FRMPD3: variants seen among roughly 807,000 people sequenced by gnomAD.
The protein encoded by FRMPD3 is FERM and PDZ domain containing 3.
Under a neutral mutation model 97.9 loss-of-function variants are expected in FRMPD3, and 42 were observed. The observed-to-expected ratio is 0.43, with a 90% CI of 0.34 to 0.55. The LOEUF is 0.55. Ranked by LOEUF, FRMPD3 falls within the 20% of genes least tolerant of loss-of-function variation. FRMPD3 has a pLI of 0.03. For missense variants in FRMPD3, 1,303 were observed against 1,457.7 expected, an observed-to-expected ratio of 0.89 and a Z score of 1.73; for synonymous variants, 577 against 581.1, an observed-to-expected ratio of 0.99 and a Z score of 0.10.
rs190823164 is a variant in FRMPD3 at position 107,563,759 on chromosome X, C to G, written c.1116+559C>G. On this transcript the variant is annotated intron_variant, in intron 11 of 14. Coordinates refer to ENST00000683843, the MANE Select transcript of FRMPD3 (RefSeq NM_001388459.1). ...TGGCCCATGGGCCATGGTTAGGCAA[C>G]CCCTGCTCTATTTCATTTTTGTTCC... Among the ~76,000 whole-genome samples, 5 of 111,983 alleles carry G rather than the reference C, an allele frequency of 4.5e-5. No individual in the cohort carries two copies. In the East Asian group the frequency reaches 1.1e-3, roughly 25 times the overall value.
rs372462915 is a variant in FRMPD3, at chrX:107,563,213, G to C, written c.1116+13G>C. 19 of 1,181,995 alleles carry C rather than the reference G, an allele frequency of 1.6e-5. No homozygotes were observed. In the East Asian group the frequency reaches 4.2e-4, roughly 26 times the overall value. On this transcript the variant is annotated intron_variant, in intron 11 of 14. Coordinates refer to ENST00000683843, the MANE Select transcript of FRMPD3 (RefSeq NM_001388459.1). Reference sequence around the variant, plus strand: ...CACTGTAGGCCTGGTCAGTGGCGCAGGATTGGGGGATGTGGGGAGGGAGCC... The same window carrying C: ...CACTGTAGGCCTGGTCAGTGGCGCACGATTGGGGGATGTGGGGAGGGAGCC...
intron 13 of FRMPD3, among the ~76,000 whole-genome samples, chrX:107,585,330 A>G (rs1168916457): frequency 1.8e-5 from 2 of 111,585 alleles, no homozygotes; most frequent in Non-Finnish European, 3.8e-5. Context: ...TATTAGTTTA[A>G]GGAGTTTTTG....
chrX:107,522,505 G>C (rs1288557132), intron 1 of FRMPD3: 1 of 537,502 alleles, frequency 1.9e-6, no homozygotes, highest in Non-Finnish European at 3.3e-6. Context: ...CAGGTAGGGG[G>C]TGCTGCAATT....
intron 10 of FRMPD3, 49 bp downstream of exon 10, chrX:107,560,902 C>T: frequency 8.8e-7 from 1 of 1,135,343 alleles, no homozygotes; most frequent in East Asian, 3.2e-5. Flanking sequence ...CTACTGGCCA[C>T]AGGGAGATCC....
intron 1 of FRMPD3, among the ~76,000 whole-genome samples, chrX:107,464,575 T>C (rs919494484): frequency 9.0e-6 from 1 of 111,520 alleles, no homozygotes; most frequent in African/African-American, 3.3e-5. Context: ...AGGCTGCCTC[T>C]TAGGGGTCCT....
At chrX:107,548,883 T>C (rs1921731829) in intron 5 of FRMPD3, among the ~76,000 whole-genome samples, 1 of 111,228 alleles carries the variant, frequency 9.0e-6, no homozygotes, top group Non-Finnish European at 1.9e-5. Context: ...GTAAGAGCAT[T>C]GTGAGAAGCG....
intron 1 of FRMPD3, among the ~76,000 whole-genome samples, chrX:107,523,769 C>A (rs1324386523): frequency 8.9e-6 from 1 of 112,427 alleles, no homozygotes; most frequent in Non-Finnish European, 1.9e-5. Context: ...AAGAGTAAAG[C>A]AAAGCACTTG....
chrX:107,488,882 C>T (rs1006982205), intron 1 of FRMPD3, among the ~76,000 whole-genome samples: 24 of 109,105 alleles, frequency 2.2e-4, no homozygotes, highest in South Asian at 1.6e-3. Flanking sequence ...ATGTGCACAA[C>T]GCGCAGGTTT....
chrX:107,479,310 G>A (rs1363207651), intron 1 of FRMPD3, among the ~76,000 whole-genome samples: 1 of 111,627 alleles, frequency 9.0e-6, no homozygotes, highest in African/African-American at 3.3e-5. Flanking sequence ...CTCTGGAGGG[G>A]GAACCCTTTG....
chrX:107,511,303 T>C (rs1342098739), intron 1 of FRMPD3, among the ~76,000 whole-genome samples: 1 of 112,431 alleles, frequency 8.9e-6, no homozygotes, highest in African/African-American at 3.2e-5. Flanking sequence ...TGTTCCCTTC[T>C]GTCTCTGGGC....
Position 107,545,791 on chromosome X carries a change from C to A in FRMPD3, c.352C>A (p.Pro118Thr). Residue 118 changes from proline (P) to threonine (T), a missense_variant, in exon 5 of 15, where the codon CCT (proline) becomes ACT (threonine). Physicochemically the swap from Pro to Thr is conservative, Grantham distance 38 (BLOSUM62 -1). Transcript: ENST00000683843. Reference protein sequence around the residue: ...AAKKAKLRSNPVKVRFSEQVA... With the variant: ...AAKKAKLRSNTVKVRFSEQVA... ...GAAGAAGGCCAAGTTGAGGTCCAAT[C>A]CTGTGAAGGTTCGATTTTCTGAGCA... is the stretch of plus-strand genomic sequence containing the variant. The A allele has an allele frequency of 8.3e-7, 1 of 1,210,358 alleles. No individual in the cohort carries two copies. The highest frequency in any genetic ancestry group is 1.1e-6 in the Non-Finnish European group (1 of 895,083).
intron 1 of FRMPD3, among the ~76,000 whole-genome samples, chrX:107,514,912 C>T (rs1470650082): frequency 9.0e-6 from 1 of 110,995 alleles, no homozygotes; most frequent in East Asian, 2.8e-4. Context: ...AGAGACAGGC[C>T]TCAAGAATGA....
At chrX:107,535,277 C>G (rs1234931496) in intron 4 of FRMPD3, among the ~76,000 whole-genome samples, 1 of 111,875 alleles carries the variant, frequency 8.9e-6, no homozygotes, top group African/African-American at 3.3e-5. Flanking sequence ...TTTAACTTTT[C>G]TTTTGAAATA....
intron 1 of FRMPD3, among the ~76,000 whole-genome samples, chrX:107,466,898 T>G (rs1172009057): frequency 9.0e-6 from 1 of 111,514 alleles, no homozygotes; most frequent in Non-Finnish European, 1.9e-5. Flanking sequence ...CTCCCCTCAC[T>G]GACCACATTC....
At chrX:107,582,748 T>C (rs745620533) in intron 13 of FRMPD3, among the ~76,000 whole-genome samples, 12 of 112,598 alleles carry the variant, frequency 1.1e-4, no homozygotes, top group Non-Finnish European at 2.1e-4. Context: ...GCCACCACTT[T>C]ATGGTCTTGA....
chrX:107,467,046 G>T (rs1481528689), intron 1 of FRMPD3, among the ~76,000 whole-genome samples: 1 of 109,863 alleles, frequency 9.1e-6, no homozygotes, highest in Non-Finnish European at 1.9e-5. Context: ...GAGAGAAAGA[G>T]AGAGAAAGTA....
rs766426717 is a variant in FRMPD3 at position 107,602,674 on chromosome X, G to T, written c.4635G>T (p.Leu1545=). The T allele has an allele frequency of 8.3e-7, 1 of 1,209,883 alleles. No individual in the cohort carries two copies. Among genetic ancestry groups the T allele is most frequent in the South Asian group, 1.8e-5 (1 of 57,021 alleles). Reference sequence around the variant, plus strand: ...TGGTGAGCAGGACCCTGCAGGTGCTGGATGCTGCTACCTGCAGCAGCAGCA... The same window carrying T: ...TGGTGAGCAGGACCCTGCAGGTGCTTGATGCTGCTACCTGCAGCAGCAGCA... The part of the protein sequence containing the change: ...VPVVSRTLQV[L]DAATCSSSSP... The change falls in exon 15 of 15, where the codon CTG becomes CTT. Residue 1545 remains leucine (L), a synonymous_variant. Transcript: ENST00000683843.
intron 13 of FRMPD3, among the ~76,000 whole-genome samples, chrX:107,594,517 T>C (rs908287995): frequency 8.9e-6 from 1 of 112,430 alleles, no homozygotes; most frequent in African/African-American, 3.2e-5. Context: ...GAAGTGGAAG[T>C]TTATGGTAAT....
intron 1 of FRMPD3, among the ~76,000 whole-genome samples, chrX:107,502,361 G>T (rs943679025): frequency 5.4e-5 from 6 of 111,356 alleles, no homozygotes; most frequent in African/African-American, 2.0e-4. Flanking sequence ...GGGCCTGGGG[G>T]TCAGTCAGGA....
Sources: gnomAD v4.1 joint callset for allele counts (sites outside exome capture counted in the v4.1 genomes callset) on GRCh38, gnomAD v4.1.1 for gene constraint, MANE v1.5 for transcripts, NCBI Gene and HGNC (gene_info 2026-07-23, HGNC 2026-07-21) for gene names.